The following EHMT1 variants were observed in gnomAD, a reference collection of about 807,000 sequenced individuals.
EHMT1 encodes histone-lysine N-methyltransferase EHMT1.
In EHMT1, 15 loss-of-function variants were observed where a neutral mutation model predicts 147.2. That is an observed-to-expected ratio of 0.10 (90% confidence interval 0.07 to 0.16). The LOEUF (loss-of-function observed/expected upper bound fraction) is 0.16. Ranked by LOEUF, EHMT1 falls within the 10% of genes least tolerant of loss-of-function variation. The pLI, the probability that EHMT1 is intolerant of heterozygous loss-of-function variation, is 1.00. For synonymous variants in EHMT1, 795 were observed against 709.6 expected (o/e 1.12, Z -1.91); for missense variants, 1,587 against 1,772.4 (o/e 0.90, Z 1.88).
Position 137,757,943 on chromosome 9 carries a change from G to A in EHMT1, c.1433G>A (p.Gly478Glu), listed in dbSNP as rs376787713. The change falls in exon 9 of 27, where the codon GGG (glycine) becomes GAG (glutamate). Residue 478 changes from glycine (G) to glutamate (E), a missense_variant. By Grantham distance (98) the Gly-to-Glu change is moderately conservative. Transcript: ENST00000460843. Reference protein sequence around the residue: ...AEQTAPGDSTGYMEVSLDSLD... With the variant: ...AEQTAPGDSTEYMEVSLDSLD... ...CAGACGGCACCAGGAGACAGCACAG[G>A]GTACATGGAAGTTTCTCTGGACTCC... is the stretch of plus-strand genomic sequence containing the variant. The A allele has an allele frequency of 3.3e-5, 53 of 1,613,914 alleles. 1 individual carries two copies. In the East Asian group the frequency reaches 4.0e-4, roughly 12 times the overall value.
At chr9:137,777,829 A>G in intron 12 of EHMT1, 53 bp from the exon 13 acceptor site, 1 of 1,603,502 alleles carries the variant, frequency 6.2e-7, no homozygotes, top group Non-Finnish European at 8.5e-7. Context: ...CAGAGTCGGA[A>G]CAGGCCATGT....
chr9:137,744,467 C>T (rs1440662374), intron 6 of EHMT1, among the ~76,000 whole-genome samples: 4 of 152,130 alleles, frequency 2.6e-5, no homozygotes, highest in South Asian at 2.1e-4. Context: ...CACAGGCTCA[C>T]GCCACCATGC....
intron 10 of EHMT1, chr9:137,764,901 GTGT>G (rs1312917216): frequency 6.6e-6 from 1 of 152,116 alleles, no homozygotes; most frequent in Non-Finnish European, 1.5e-5. Flanking sequence ...TAACTTTCTT[GTGT>G]TGTTTAAGTC....
Position 137,817,426 on chromosome 9 carries a change from C to A in EHMT1, c.3375-13C>A. 1.3e-6 allele frequency: 2 copies of A among 1,598,822 alleles called. No individual in the cohort carries two copies. Among genetic ancestry groups the A allele is most frequent in the Non-Finnish European group, 1.7e-6 (2 of 1,172,224 alleles). ...GCTGTGGCCTGGGTTCACCACTACT[C>A]TCTATTTTTCAGGGCAAGGCTGCAG... is the stretch of plus-strand genomic sequence containing the variant. On this transcript the variant is annotated splice_polypyrimidine_tract_variant and intron_variant, in intron 23 of 26. Transcript: ENST00000460843.
At chr9:137,781,435 C>CGCTGGGATATGCGGTGATGAT (rs1951542976) in intron 14 of EHMT1, among the ~76,000 whole-genome samples, 1 of 149,776 alleles carries the variant, frequency 6.7e-6, no homozygotes, top group Non-Finnish European at 1.5e-5. Context: ...GTGGTGATGA[C>CGCTGGGATATGCGGTGATGAT]GCTGGGATAT....
chr9:137,762,685 C>T lies in EHMT1; in HGVS notation c.1512C>T (p.Asn504=), dbSNP rs747296297. ...TCTGTGTGACGTTAGGGTTGGCCAA[C>T]GGTCCAGATGTGCTGGAGACAGACG... is the stretch of plus-strand genomic sequence containing the variant. The part of the protein sequence containing the change: ...ILSSQAEGLA[N]GPDVLETDGL... Residue 504 remains asparagine (N), a synonymous_variant, in exon 10 of 27, where the codon AAC becomes AAT. Coordinates refer to ENST00000460843, the MANE Select transcript of EHMT1 (RefSeq NM_024757.5). 13 of 1,614,094 alleles carry T rather than the reference C, an allele frequency of 8.1e-6. No individual in the cohort carries two copies. Among genetic ancestry groups the T allele is most frequent in the Admixed American group, 3.3e-5 (2 of 60,008 alleles).
At position 137,828,887 on chromosome 9, in the gene EHMT1, G is replaced by A. The variant is rs538436997; in HGVS notation, c.3541-5462G>A. ...CTGTGCCTCCCCTCCTGCTTGCTGC[G>A]TGGGGGCTTGTGGAGCCTGCTAGGA... On this transcript the variant is annotated intron_variant, in intron 25 of 26. Transcript: ENST00000460843. The surrounding 1 kb of genome is among the most constrained non-coding windows in gnomAD (Gnocchi z 5.3). 7.2e-5 allele frequency among the ~76,000 whole-genome samples: 11 copies of A among 152,226 alleles called. No homozygotes were observed. Among genetic ancestry groups the A allele is most frequent in the South Asian group, 4.1e-4 (2 of 4,828 alleles).
intron 6 of EHMT1, among the ~76,000 whole-genome samples, chr9:137,748,827 T>G (rs1948752671): frequency 6.6e-6 from 1 of 152,212 alleles, no homozygotes; most frequent in Admixed American, 6.5e-5. Flanking sequence ...TAGGGGTTCT[T>G]TGGCCTGGAA....
intron 4 of EHMT1, among the ~76,000 whole-genome samples, chr9:137,739,055 G>C (rs1947812617): frequency 6.6e-6 from 1 of 150,804 alleles, no homozygotes; most frequent in South Asian, 2.1e-4. Context: ...AAATTTTGTG[G>C]TGTGTGTATT....
intron 2 of EHMT1, among the ~76,000 whole-genome samples, chr9:137,712,278 A>G (rs1443479246): frequency 1.3e-5 from 2 of 152,170 alleles, no homozygotes; most frequent in African/African-American, 4.8e-5. Context: ...AGATGCCACA[A>G]GCCCCAGGTT....
chr9:137,718,229 G>A (rs1300937980), intron 3 of EHMT1, among the ~76,000 whole-genome samples: 4 of 152,182 alleles, frequency 2.6e-5, no homozygotes, highest in East Asian at 1.9e-4. Flanking sequence ...CAGGGCACGC[G>A]TGCTTCTCAC....
rs1480278072 is a variant in EHMT1, at chr9:137,834,421, C to T, written c.3613C>T (p.Pro1205Ser). The change falls in exon 26 of 27, where the codon CCC becomes TCC. Residue 1205 changes from proline (P) to serine (S), a missense_variant. Around this residue, in one of 7 missense-constraint regions of EHMT1, gnomAD observed 141 missense variants for 150.8 expected, o/e 0.94. Coordinates refer to ENST00000460843, the MANE Select transcript of EHMT1 (RefSeq NM_024757.5). Reference sequence around the variant, plus strand: ...CCGGTTCATCAACCACCACTGCGAGCCCAACCTGGTGCCCGTGCGCGTGTT... The same window carrying T: ...CCGGTTCATCAACCACCACTGCGAGTCCAACCTGGTGCCCGTGCGCGTGTT... ...VSRFINHHCE[P>S]NLVPVRVFMA... 5.0e-6 allele frequency: 8 copies of T among 1,613,340 alleles called. No individual in the cohort carries two copies. The highest frequency in any genetic ancestry group is 5.1e-6 in the Non-Finnish European group (6 of 1,179,812).
In EHMT1 at chr9:137,769,906, G is replaced by A. The variant is rs541908335; in HGVS notation, c.1648-5203G>A. 5.9e-5 allele frequency among the ~76,000 whole-genome samples: 9 copies of A among 152,116 alleles called. No individual in the cohort carries two copies. The East Asian group carries it at 1.4e-3, about 23-fold the overall frequency. On this transcript the variant is annotated intron_variant, in intron 10 of 26. Coordinates refer to ENST00000460843, the MANE Select transcript of EHMT1 (RefSeq NM_024757.5). ...GGCTGGAGTTCAGTGGCATGAACAC[G>A]ACACAGTGCAGCCTCAACCTCCTGG...
chr9:137,660,664 A>G (rs1318783085), intron 1 of EHMT1, among the ~76,000 whole-genome samples: 1 of 152,224 alleles, frequency 6.6e-6, no homozygotes, highest in East Asian at 1.9e-4. Context: ...CATCTTCACA[A>G]TATATCTGAC....
intron 1 of EHMT1, among the ~76,000 whole-genome samples, chr9:137,625,390 G>C (rs1404885574): frequency 6.6e-6 from 1 of 152,094 alleles, no homozygotes; most frequent in Non-Finnish European, 1.5e-5. Context: ...TTGTTGGAGA[G>C]AGACAGTCTC....
At chr9:137,638,859 G>C in intron 1 of EHMT1, among the ~76,000 whole-genome samples, 1 of 152,146 alleles carries the variant, frequency 6.6e-6, no homozygotes, top group East Asian at 1.9e-4. Flanking sequence ...AGGAGTGTCA[G>C]GGACGGCCAG....
chr9:137,687,281 A>G (rs1175805463), intron 1 of EHMT1, among the ~76,000 whole-genome samples: 2 of 151,980 alleles, frequency 1.3e-5, no homozygotes, highest in Non-Finnish European at 2.9e-5. Flanking sequence ...TCTTTTTCCA[A>G]TTGTTTTGGC....
intron 1 of EHMT1, chr9:137,697,077 T>TA (rs1943452374): frequency 2.7e-6 from 1 of 366,792 alleles, no homozygotes; most frequent in South Asian, 1.9e-5. Context: ...GGTCAGGAGT[T>TA]AGAGACCAGC....
intron 1 of EHMT1, among the ~76,000 whole-genome samples, chr9:137,668,279 TTCTTCC>T (rs886698435): frequency 1.6e-4 from 25 of 152,028 alleles, no homozygotes; most frequent in African/African-American, 5.8e-4. Context: ...TCCTCCTGTT[TTCTTCC>T]TCTTCCTCCA....
Sources: allele counts gnomAD v4.1 joint callset (sites outside exome capture counted in the v4.1 genomes callset), GRCh38; gene constraint gnomAD v4.1.1; regional missense constraint gnomAD v4.1.1; non-coding constraint Gnocchi (gnomAD v3.1); transcripts MANE v1.5; gene names NCBI Gene and HGNC (gene_info 2026-07-23, HGNC 2026-07-21).